GARIN6: variants seen among roughly 807,000 people sequenced by gnomAD.
The protein encoded by GARIN6 is Golgi-associated RAB2 interactor protein 6.
At chr12:99,648,664 G>C in the GARIN6 span, 1 of 1,614,160 alleles carries the variant, frequency 6.2e-7, no homozygotes. Context: ...AGACCTTTTT[G>C]TTCACTGGGA....
chr12:99,647,932 C>A, the GARIN6 span: 1 of 524,178 alleles, frequency 1.9e-6, no homozygotes, highest in Non-Finnish European at 3.3e-6. Context: ...GTGCTCCTGA[C>A]AGCTCCATGC....
At chr12:99,648,313 G>C in the GARIN6 span, 1 of 1,614,192 alleles carries the variant, frequency 6.2e-7, no homozygotes, top group Non-Finnish European at 8.5e-7. Flanking sequence ...ACCCATGTTT[G>C]AGAGCGACTT....
At chr12:99,649,744 A>G in the GARIN6 span, 59,244 of 203,650 alleles carry the variant, frequency 0.29, 9,417 homozygotes, top group African/African-American at 0.36. Flanking sequence ...CTCCCTAGAG[A>G]GCAGTATGAA....
the GARIN6 span, chr12:99,648,124 T>G: frequency 5.7e-6 from 9 of 1,571,032 alleles, no homozygotes; most frequent in Admixed American, 1.6e-4. Flanking sequence ...TAAAGCATGT[T>G]AAGGAAGGTG....
chr12:99,649,594 C>T, the GARIN6 span: 2 of 542,060 alleles, frequency 3.7e-6, no homozygotes, highest in African/African-American at 1.9e-5. Flanking sequence ...CAAAAGCAGC[C>T]TTCAGAGGTC....
chr12:99,648,262 C>A, the GARIN6 span: 123 of 1,614,038 alleles, frequency 7.6e-5, no homozygotes, highest in African/African-American at 1.5e-3. Flanking sequence ...GAAGCTGCAG[C>A]GGCAACTGTA....
chr12:99,648,591 C>A, the GARIN6 span: 1 of 1,614,194 alleles, frequency 6.2e-7, no homozygotes, highest in Admixed American at 1.7e-5. Context: ...AACAGCTCCA[C>A]CTGAAGCTTG....
chr12:99,648,564 C>T, the GARIN6 span: 1 of 1,614,176 alleles, frequency 6.2e-7, no homozygotes, highest in Non-Finnish European at 8.5e-7. Context: ...AAATAACCAT[C>T]CACAACAGCG....
At chr12:99,649,839 T>C in the GARIN6 span, 2 of 157,232 alleles carry the variant, frequency 1.3e-5, no homozygotes, top group African/African-American at 4.9e-5. Context: ...GACTCTCTGC[T>C]ACTCAGCATT....
At chr12:99,648,344 G>A in the GARIN6 span, 6 of 1,614,160 alleles carry the variant, frequency 3.7e-6, no homozygotes, top group Middle Eastern at 1.6e-4. Context: ...AGCAAAAGAG[G>A]AGAAGTGATT....
chr12:99,648,232 A>T, the GARIN6 span: 4 of 1,614,220 alleles, frequency 2.5e-6, no homozygotes, highest in Non-Finnish European at 3.4e-6. Context: ...CGCAATGGGC[A>T]TGTTTAACAC....
the GARIN6 span, chr12:99,648,941 T>C: frequency 3.2e-5 from 36 of 1,133,724 alleles, no homozygotes; most frequent in South Asian, 6.1e-4. Context: ...GAGGCCATGG[T>C]ACATTGAGGA....
chr12:99,648,650 G>A, the GARIN6 span: 6 of 1,614,206 alleles, frequency 3.7e-6, no homozygotes, highest in Non-Finnish European at 4.2e-6. Context: ...TCGGATGCAA[G>A]TGAAGACCTT....
chr12:99,648,127 G>A, the GARIN6 span: 2 of 1,573,816 alleles, frequency 1.3e-6, no homozygotes, highest in Non-Finnish European at 1.7e-6. Flanking sequence ...AGCATGTTAA[G>A]GAAGGTGTGG....
the GARIN6 span, chr12:99,648,288 T>G: frequency 1.9e-6 from 3 of 1,614,184 alleles, no homozygotes; most frequent in Non-Finnish European, 2.5e-6. Flanking sequence ...GCGAGTATAC[T>G]ATATTCAGGT....
At chr12:99,648,361 C>T in the GARIN6 span, 2 of 1,614,186 alleles carry the variant, frequency 1.2e-6, no homozygotes, top group Non-Finnish European at 8.5e-7. Flanking sequence ...GATTGACGTG[C>T]ACAACCGTGC....
the GARIN6 span, chr12:99,649,243 G>A: frequency 1.4e-6 from 2 of 1,406,702 alleles, no homozygotes; most frequent in Non-Finnish European, 2.0e-6. Context: ...AGAGAAAGGA[G>A]ATCTTGCTGG....
At chr12:99,648,779 G>T in the GARIN6 span, 3 of 1,610,142 alleles carry the variant, frequency 1.9e-6, no homozygotes, top group African/African-American at 4.0e-5. Flanking sequence ...GAAGTGCAGA[G>T]GAGCCCAGTG....
chr12:99,649,668 A>T, the GARIN6 span: 1 of 376,118 alleles, frequency 2.7e-6, no homozygotes, highest in African/African-American at 2.1e-5. Flanking sequence ...TTGTTATAGC[A>T]AGGGCTGCAT....
Sources: gnomAD v4.1 joint callset for allele counts on GRCh38, gnomAD v4.1.1 for gene constraint, MANE v1.5 for transcripts, NCBI Gene and HGNC (gene_info 2026-07-23, HGNC 2026-07-21) for gene names.